EYA4: variants seen among roughly 807,000 people sequenced by gnomAD.
The protein encoded by EYA4 is EYA transcriptional coactivator and phosphatase 4, also known as protein phosphatase EYA4.
In EYA4, 31 loss-of-function variants were observed where a neutral mutation model predicts 87.9. The ratio of observed to expected loss-of-function variants is 0.35; its 90% CI spans 0.27 to 0.48. The LOEUF (loss-of-function observed/expected upper bound fraction) is 0.48, where lower values mean the gene tolerates loss of function less well. EYA4 is among the 20% of genes least tolerant of loss of function. The pLI, the probability that EYA4 is intolerant of heterozygous loss-of-function variation, is 0.99. For synonymous variants in EYA4, 263 were observed against 270.6 expected (o/e 0.97, Z 0.28); for missense variants, 678 against 761.4 (o/e 0.89, Z 1.29).
chr6:133,414,354 C>G (rs775918934), intron 3 of EYA4, among the ~76,000 whole-genome samples: 15 of 152,202 alleles, frequency 9.9e-5, no homozygotes, highest in Admixed American at 4.6e-4. Flanking sequence ...CACACACTCC[C>G]AAGGTTTCAT....
intron 1 of EYA4, among the ~76,000 whole-genome samples, chr6:133,253,308 T>TC (rs1272139860): frequency 1.3e-5 from 2 of 152,072 alleles, no homozygotes; most frequent in Non-Finnish European, 2.9e-5. Flanking sequence ...CACAGGTCCA[T>TC]CCAGGCACTT....
At chr6:133,293,058 G>A (rs1049049050) in intron 2 of EYA4, among the ~76,000 whole-genome samples, 2 of 152,150 alleles carry the variant, frequency 1.3e-5, no homozygotes, top group Non-Finnish European at 2.9e-5. Flanking sequence ...ATGTATTCCC[G>A]TGGTCTCTTT....
chr6:133,332,784 A>G (rs1225719114), intron 2 of EYA4, among the ~76,000 whole-genome samples: 3 of 145,332 alleles, frequency 2.1e-5, no homozygotes, highest in South Asian at 2.2e-4. Flanking sequence ...GGATGGTCTC[A>G]ATCTCCTGAC....
intron 2 of EYA4, among the ~76,000 whole-genome samples, chr6:133,339,849 G>A (rs1168405380): frequency 6.6e-6 from 1 of 152,176 alleles, no homozygotes; most frequent in African/African-American, 2.4e-5. Context: ...CTGGGAGGAC[G>A]CTGACTTTGA....
At chr6:133,297,936 C>G (rs576390604) in intron 2 of EYA4, among the ~76,000 whole-genome samples, 2 of 152,288 alleles carry the variant, frequency 1.3e-5, no homozygotes, top group South Asian at 4.1e-4. Flanking sequence ...TTTTAGCCTC[C>G]ACTAATGATT....
intron 3 of EYA4, among the ~76,000 whole-genome samples, chr6:133,440,967 T>C (rs1424602649): frequency 6.6e-6 from 1 of 152,232 alleles, no homozygotes; most frequent in Non-Finnish European, 1.5e-5. Flanking sequence ...ATTTTCAGAA[T>C]TTGACTGATG....
intron 6 of EYA4, among the ~76,000 whole-genome samples, chr6:133,459,365 G>A (rs937260013): frequency 1.3e-5 from 2 of 152,074 alleles, no homozygotes; most frequent in Admixed American, 6.6e-5. Flanking sequence ...ATGTATATGA[G>A]TTTTTTCTGA....
chr6:133,396,158 T>C (rs1787778507), intron 3 of EYA4, among the ~76,000 whole-genome samples: 1 of 152,216 alleles, frequency 6.6e-6, no homozygotes, highest in South Asian at 2.1e-4. Context: ...TCCATTTTTT[T>C]AGGCTTGGCT....
chr6:133,275,078 A>G (rs557383565), intron 2 of EYA4, among the ~76,000 whole-genome samples: 1 of 152,132 alleles, frequency 6.6e-6, no homozygotes, highest in African/African-American at 2.4e-5. Flanking sequence ...ATCATGATGC[A>G]TGTTTTAGAC....
At position 133,415,222 on chromosome 6, in the gene EYA4, G is replaced by A. The variant is rs145859168; in HGVS notation, c.84-31408G>A. On this transcript the variant is annotated intron_variant, in intron 3 of 19. Coordinates refer to ENST00000355286, the MANE Select transcript of EYA4 (RefSeq NM_004100.5). Reference sequence around the variant, plus strand: ...TGACAAAGGACCTCATTACTGGGTAGGTAAGTGATCCACTAGAGTGAAACT... The same window carrying A: ...TGACAAAGGACCTCATTACTGGGTAAGTAAGTGATCCACTAGAGTGAAACT... Among the ~76,000 whole-genome samples, 449 of 152,290 alleles carry A rather than the reference G, an allele frequency of 2.9e-3. 2 individuals carry two copies. Among genetic ancestry groups the A allele is most frequent in the Non-Finnish European group, 4.8e-3 (328 of 68,026 alleles).
At chr6:133,381,802 T>C (rs537961157) in intron 2 of EYA4, among the ~76,000 whole-genome samples, 1 of 152,302 alleles carries the variant, frequency 6.6e-6, no homozygotes, top group East Asian at 1.9e-4. Context: ...CCTAGAAGTA[T>C]GAGTTATTCT....
At chr6:133,497,133 A>T (rs548252957) in intron 13 of EYA4, among the ~76,000 whole-genome samples, 10 of 152,200 alleles carry the variant, frequency 6.6e-5, no homozygotes, top group Non-Finnish European at 1.5e-4. Context: ...ACCCTGTGTG[A>T]TTGATTGGTA....
At chr6:133,423,986 G>A (rs1265602144) in intron 3 of EYA4, among the ~76,000 whole-genome samples, 1 of 152,196 alleles carries the variant, frequency 6.6e-6, no homozygotes, top group Non-Finnish European at 1.5e-5. Context: ...GAGACCCACA[G>A]TGGGTGGCTC....
At chr6:133,411,618 T>C (rs1055585232) in intron 3 of EYA4, among the ~76,000 whole-genome samples, 6 of 152,182 alleles carry the variant, frequency 3.9e-5, no homozygotes. Flanking sequence ...AATGTATGAC[T>C]CAGTCTATCT....
At chr6:133,482,056 A>G (rs1483157508) in intron 12 of EYA4, among the ~76,000 whole-genome samples, 1 of 152,228 alleles carries the variant, frequency 6.6e-6, no homozygotes, top group Non-Finnish European at 1.5e-5. Context: ...ACTTAATAGT[A>G]TGTGTTAAAA....
At chr6:133,286,010 C>T (rs1011312469) in intron 2 of EYA4, among the ~76,000 whole-genome samples, 1 of 152,138 alleles carries the variant, frequency 6.6e-6, no homozygotes, top group African/African-American at 2.4e-5. Flanking sequence ...ATCTCAGTTT[C>T]CTTACAGTTC....
intron 3 of EYA4, among the ~76,000 whole-genome samples, chr6:133,396,030 T>G (rs554358669): frequency 2.0e-5 from 3 of 152,340 alleles, no homozygotes; most frequent in Admixed American, 2.0e-4. Context: ...CTTTTCTCCC[T>G]TCCCCTTCTT....
intron 2 of EYA4, among the ~76,000 whole-genome samples, chr6:133,294,054 T>C (rs1410338524): frequency 1.7e-5 from 2 of 114,496 alleles, no homozygotes; most frequent in African/African-American, 6.8e-5. Context: ...TATATATATA[T>C]ATATATATAA....
chr6:133,425,169 A>G (rs1790561892), intron 3 of EYA4, among the ~76,000 whole-genome samples: 1 of 150,768 alleles, frequency 6.6e-6, no homozygotes, highest in Non-Finnish European at 1.5e-5. Context: ...TCACAGAAGA[A>G]TATATATATG....
Sources: gnomAD v4.1 joint callset for allele counts (sites outside exome capture counted in the v4.1 genomes callset) on GRCh38, gnomAD v4.1.1 for gene constraint, MANE v1.5 for transcripts, NCBI Gene and HGNC (gene_info 2026-07-23, HGNC 2026-07-21) for gene names.